Variants in ACER3 observed in about 807,000 individuals in gnomAD.
The protein encoded by ACER3 is alkaline ceramidase 3.
Under a neutral mutation model 48.9 loss-of-function variants are expected in ACER3, and 16 were observed. That is an observed-to-expected ratio of 0.33 (90% confidence interval 0.22 to 0.50). The LOEUF is 0.50. Among genes scored for constraint, ACER3 ranks in the 20% least tolerant of loss-of-function variants. ACER3 has a pLI of 0.98. For missense variants in ACER3, 227 were observed against 326.0 expected, an observed-to-expected ratio of 0.70 and a Z score of 2.34; for synonymous variants, 109 against 107.8, an observed-to-expected ratio of 1.01 and a Z score of -0.07.
chr11:76,916,145 G>T (rs955263405), intron 1 of ACER3, among the ~76,000 whole-genome samples: 1 of 152,164 alleles, frequency 6.6e-6, no homozygotes, highest in Admixed American at 6.5e-5. Context: ...AGTAAATGAA[G>T]AGTGAATGAA....
rs556366718 is a variant in ACER3 at position 76,897,410 on chromosome 11, C to T, written c.104-29147C>T. ...TTTTCTTGCCATCATACATTAAGAT[C>T]CATTGGCCTTTCTTGCACTTTGAAT... On this transcript the variant is annotated intron_variant, in intron 1 of 10. Coordinates refer to ENST00000532485, the MANE Select transcript of ACER3 (RefSeq NM_018367.7). Among the ~76,000 whole-genome samples, 4 of 152,278 alleles carry T rather than the reference C, an allele frequency of 2.6e-5. No homozygotes were observed. The South Asian group carries it at 8.3e-4, about 32-fold the overall frequency.
chr11:76,889,888 T>C (rs10899303), intron 1 of ACER3, among the ~76,000 whole-genome samples: 114,971 of 151,600 alleles, frequency 0.76, 43,966 homozygotes, highest in African/African-American at 0.81. Flanking sequence ...ATTTTTTCTT[T>C]CTTGGTTATT....
At chr11:76,994,286 C>G (rs1193574470) in intron 6 of ACER3, 1 of 401,752 alleles carries the variant, frequency 2.5e-6, no homozygotes, top group East Asian at 7.5e-5. Flanking sequence ...TGTACCATCA[C>G]GCCAGGCTAA....
intron 2 of ACER3, among the ~76,000 whole-genome samples, chr11:76,930,376 C>T (rs1037535002): frequency 2.0e-5 from 3 of 152,072 alleles, no homozygotes; most frequent in African/African-American, 4.8e-5. Context: ...ATTGATCTTG[C>T]TAGAGGTCTA....
rs748245842 is a variant in ACER3, at chr11:76,926,537, C to T, written c.104-20C>T. ...TGTTATTGATTAACCTAAATGTCTTCTTATATTTTTCTCTTAAAGGGAATA... is the reference window on the plus strand; with the variant it reads ...TGTTATTGATTAACCTAAATGTCTTTTTATATTTTTCTCTTAAAGGGAATA... On this transcript the variant is annotated intron_variant, in intron 1 of 10. Transcript: ENST00000532485. 1 of 1,473,696 alleles carries T rather than the reference C, an allele frequency of 6.8e-7. No individual in the cohort carries two copies. The highest frequency in any genetic ancestry group is 1.4e-5 in the African/African-American group (1 of 72,358). The allele number at this position is 1,473,696 out of a possible 1,614,324, so 91.3% of individuals were successfully genotyped here. A position where few individuals can be genotyped will look rare whatever the true frequency, so the allele number is the denominator to read the frequency against.
chr11:76,924,569 ATT>A (rs754999212), intron 1 of ACER3, among the ~76,000 whole-genome samples: 180 of 151,626 alleles, frequency 1.2e-3, no homozygotes, highest in Non-Finnish European at 2.0e-3. Context: ...TTACAGTCCT[ATT>A]TCTGGATCTG....
chr11:76,912,793 A>G (rs1027734336), intron 1 of ACER3, among the ~76,000 whole-genome samples: 3 of 152,318 alleles, frequency 2.0e-5, no homozygotes, highest in African/African-American at 4.8e-5. Flanking sequence ...TTTAATGACA[A>G]TAAATCATAA....
intron 7 of ACER3, chr11:77,011,334 G>A (rs924027358): frequency 2.0e-5 from 20 of 985,622 alleles, no homozygotes; most frequent in Non-Finnish European, 2.4e-5. Context: ...CCACAGAAGA[G>A]TATTGCTTTG....
chr11:76,956,190 T>C (rs1947834520), intron 2 of ACER3, among the ~76,000 whole-genome samples: 1 of 152,196 alleles, frequency 6.6e-6, no homozygotes, highest in Non-Finnish European at 1.5e-5. Flanking sequence ...ATTGATTTTA[T>C]GTGAATTATA....
chr11:76,900,062 C>T (rs1363232888), intron 1 of ACER3, among the ~76,000 whole-genome samples: 3 of 152,168 alleles, frequency 2.0e-5, no homozygotes, highest in African/African-American at 7.2e-5. Context: ...GGTGCAGTAG[C>T]TCATGTCTGT....
chr11:76,992,985 C>T (rs1424879980), intron 6 of ACER3, among the ~76,000 whole-genome samples: 1 of 152,096 alleles, frequency 6.6e-6, no homozygotes, highest in African/African-American at 2.4e-5. Context: ...CCTCCCACCT[C>T]AGCCTCCCAA....
chr11:76,983,121 G>C (rs1415432645), intron 4 of ACER3, among the ~76,000 whole-genome samples: 1 of 152,058 alleles, frequency 6.6e-6, no homozygotes, highest in Admixed American at 6.6e-5. Context: ...AAAATAGCCT[G>C]CTGGAAGATT....
intron 2 of ACER3, among the ~76,000 whole-genome samples, chr11:76,934,404 C>G (rs1012645767): frequency 1.3e-5 from 2 of 152,224 alleles, no homozygotes; most frequent in African/African-American, 4.8e-5. Flanking sequence ...CACCATTGAG[C>G]ACTGAGTGAA....
intron 6 of ACER3, among the ~76,000 whole-genome samples, chr11:76,990,939 A>G (rs913671734): frequency 3.3e-5 from 5 of 152,206 alleles, no homozygotes; most frequent in Non-Finnish European, 5.9e-5. Context: ...TTTTCCCTCT[A>G]ATATATTTTA....
At chr11:76,930,887 A>G (rs1335205985) in intron 2 of ACER3, among the ~76,000 whole-genome samples, 4 of 151,880 alleles carry the variant, frequency 2.6e-5, no homozygotes, top group African/African-American at 9.7e-5. Context: ...ACTTCCAACT[A>G]TGTGGTCAAT....
In ACER3 at chr11:77,020,434, G is replaced by A; in HGVS notation, c.*107G>A. 4 of 1,286,062 alleles carry A rather than the reference G, an allele frequency of 3.1e-6. No homozygotes were observed. The highest frequency in any genetic ancestry group is 4.3e-6 in the Non-Finnish European group (4 of 920,878). 79.7% of individuals were successfully genotyped at this position (1,286,062 alleles called of 1,614,324 possible). A position where few individuals can be genotyped will look rare whatever the true frequency, so the allele number is the denominator to read the frequency against. On this transcript the variant is annotated 3_prime_UTR_variant, in exon 11 of 11. Coordinates refer to ENST00000532485, the MANE Select transcript of ACER3 (RefSeq NM_018367.7). ...GTTCAAATATGTCATGACCATCACA[G>A]CAGAGGAGTGACTTTCTGACTAATG...
chr11:76,975,737 G>A (rs925916974), intron 3 of ACER3, among the ~76,000 whole-genome samples: 1 of 152,088 alleles, frequency 6.6e-6, no homozygotes, highest in African/African-American at 2.4e-5. Flanking sequence ...TGCTTAGTAT[G>A]TACATTAGGA....
chr11:76,953,323 G>A (rs1159134315), intron 2 of ACER3, among the ~76,000 whole-genome samples: 2 of 152,182 alleles, frequency 1.3e-5, no homozygotes, highest in Admixed American at 6.5e-5. Flanking sequence ...TTGTGGCTGG[G>A]TGCGGTGGCT....
At chr11:76,959,766 C>A (rs1205818437) in intron 3 of ACER3, among the ~76,000 whole-genome samples, 1 of 151,830 alleles carries the variant, frequency 6.6e-6, no homozygotes, top group Non-Finnish European at 1.5e-5. Context: ...GTTGGCCAGG[C>A]TGGTCTCGAA....
Sources: allele counts gnomAD v4.1 joint callset (sites outside exome capture counted in the v4.1 genomes callset), GRCh38; gene constraint gnomAD v4.1.1; transcripts MANE v1.5; gene names NCBI Gene and HGNC (gene_info 2026-07-23, HGNC 2026-07-21).